TMEM260: variants seen among roughly 807,000 people sequenced by gnomAD.
TMEM260 encodes the protein protein O-mannosyl-transferase TMEM260.
A neutral mutation model predicts 88.9 loss-of-function variants in TMEM260; 82 were observed. That is an observed-to-expected ratio of 0.92 (90% CI 0.77 to 1.11). TMEM260 has a LOEUF of 1.11. Ranked by LOEUF, TMEM260 falls within the 50% of genes least tolerant of loss-of-function variation. The pLI, the probability that TMEM260 is intolerant of heterozygous loss-of-function variation, is 0.00. For missense variants in TMEM260, 902 were observed against 853.4 expected (o/e 1.06, Z -0.71); for synonymous variants, 314 against 309.3 (o/e 1.02, Z -0.16).
intron 15 of TMEM260, 127 bp from the exon 16 acceptor site, chr14:56,647,116 T>G (rs370523109): frequency 2.5e-5 from 26 of 1,019,958 alleles, no homozygotes; most frequent in South Asian, 1.9e-4. Context: ...TTAGCAATGA[T>G]TAGATTTTTA....
chr14:56,645,508 G>C (rs971241512), intron 15 of TMEM260, among the ~76,000 whole-genome samples: 1 of 151,946 alleles, frequency 6.6e-6, no homozygotes, highest in Non-Finnish European at 1.5e-5. Context: ...TGGGGGTAGG[G>C]GGGAGGGATA....
At chr14:56,610,929 A>G (rs1459064637) in intron 6 of TMEM260, among the ~76,000 whole-genome samples, 1 of 149,228 alleles carries the variant, frequency 6.7e-6, no homozygotes, top group African/African-American at 2.5e-5. Context: ...AGTTTAACTG[A>G]TTTCTAGCCA....
downstream of TMEM260, chr14:56,650,204 GT>G (rs1890177639): frequency 7.5e-6 from 3 of 400,286 alleles, no homozygotes; most frequent in South Asian, 3.6e-5. Context: ...GAGTGCCATG[GT>G]TTGGCAGGAA....
At chr14:56,589,210 G>A (rs1430307977) in intron 3 of TMEM260, among the ~76,000 whole-genome samples, 5 of 151,996 alleles carry the variant, frequency 3.3e-5, no homozygotes, top group East Asian at 1.9e-4. Context: ...TCTTTACCTC[G>A]GGGAAGATTT....
intron 12 of TMEM260, among the ~76,000 whole-genome samples, chr14:56,630,875 C>T (rs1411131133): frequency 2.6e-5 from 4 of 152,116 alleles, no homozygotes; most frequent in Admixed American, 6.5e-5. Flanking sequence ...AAATTCTGGC[C>T]TGCCTTCTGT....
At chr14:56,651,476 A>G (rs997096144), downstream of TMEM260, among the ~76,000 whole-genome samples, 6 of 152,244 alleles carry the variant, frequency 3.9e-5, no homozygotes, top group Non-Finnish European at 8.8e-5. Flanking sequence ...CCAGCACTGT[A>G]CATGTGAAGC....
At chr14:56,627,005 T>C (rs1888282833) in intron 12 of TMEM260, among the ~76,000 whole-genome samples, 1 of 152,178 alleles carries the variant, frequency 6.6e-6, no homozygotes, top group Non-Finnish European at 1.5e-5. Flanking sequence ...TACCATTATA[T>C]CATAAGCATT....
Position 56,649,104 on chromosome 14 carries a change from A to T in TMEM260, c.*1607A>T, listed in dbSNP as rs1049755881. 6.6e-6 allele frequency: 1 copy of T among 152,634 alleles called. No homozygotes were observed. Among genetic ancestry groups the T allele is most frequent in the Non-Finnish European group, 1.5e-5 (1 of 68,056 alleles). The allele number at this position is 152,634 out of a possible 1,614,324, so 9.5% of individuals were successfully genotyped here. A position where few individuals can be genotyped will look rare whatever the true frequency, so the allele number is the denominator to read the frequency against. ...GGGTTCAGAGCGGAACCTTTTGAAG[A>T]GTGTCAATAGTTGTAACAGTTCAGC... On this transcript the variant is annotated 3_prime_UTR_variant, in exon 16 of 16. Transcript: ENST00000261556.
At chr14:56,627,550 G>T (rs969132190) in intron 12 of TMEM260, among the ~76,000 whole-genome samples, 4 of 152,078 alleles carry the variant, frequency 2.6e-5, no homozygotes, top group Admixed American at 2.0e-4. Flanking sequence ...TATATGTAGG[G>T]TTTTTTGTGG....
intron 3 of TMEM260, among the ~76,000 whole-genome samples, chr14:56,597,872 TA>T (rs1886343822): frequency 6.6e-6 from 1 of 152,148 alleles, no homozygotes; most frequent in South Asian, 2.1e-4. Context: ...GTCTCTTAAT[TA>T]ACTAGGTAGA....
chr14:56,624,508 G>A (rs1888120360), intron 11 of TMEM260, among the ~76,000 whole-genome samples: 1 of 152,216 alleles, frequency 6.6e-6, no homozygotes. Flanking sequence ...GGCGGAGCTT[G>A]CAGTGGGCTG....
At chr14:56,647,197 A>T in intron 15 of TMEM260, 46 bp from the exon 16 acceptor site, 1 of 1,533,654 alleles carries the variant, frequency 6.5e-7, no homozygotes, top group Non-Finnish European at 8.7e-7. Context: ...AAAAAAAAAA[A>T]GTCAAAGAAT....
intron 15 of TMEM260, among the ~76,000 whole-genome samples, chr14:56,637,082 C>A (rs923058844): frequency 1.3e-5 from 2 of 152,158 alleles, no homozygotes; most frequent in Non-Finnish European, 2.9e-5. Context: ...AGAGTGCAGG[C>A]CACCTCTGGA....
At chr14:56,661,218 C>T in the TMEM260 span, among the ~76,000 whole-genome samples, 5 of 150,200 alleles carry the variant, frequency 3.3e-5, no homozygotes, top group Non-Finnish European at 7.5e-5. Flanking sequence ...TCCTGGTGGT[C>T]GCCACCCCTC....
rs550173506 is a variant in TMEM260 at position 56,621,652 on chromosome 14, A to C, written c.1348A>C (p.Met450Leu). 5.0e-6 allele frequency: 8 copies of C among 1,613,388 alleles called. No homozygotes were observed. Among genetic ancestry groups the C allele is most frequent in the Non-Finnish European group, 6.8e-6 (8 of 1,179,666 alleles). Reference sequence around the variant, plus strand: ...TTTGCCAGGAAATTCTCTCCGTTACATGCATTACTGTGAGGGGTTGAGGCC... The same window carrying C: ...TTTGCCAGGAAATTCTCTCCGTTACCTGCATTACTGTGAGGGGTTGAGGCC... ...GDLPGNSLRY[M>L]HYCEGLRPDI... Residue 450 changes from methionine to leucine, a missense_variant, in exon 11 of 16, where the codon ATG (methionine) becomes CTG (leucine). Physicochemically the swap from Met to Leu is conservative, Grantham distance 15 (BLOSUM62 2). Coordinates refer to ENST00000261556, the MANE Select transcript of TMEM260 (RefSeq NM_017799.4).
chr14:56,630,472 C>CTT (rs144741234), intron 12 of TMEM260, among the ~76,000 whole-genome samples: 2 of 150,930 alleles, frequency 1.3e-5, no homozygotes, highest in African/African-American at 4.9e-5. Flanking sequence ...TAAATTGTAT[C>CTT]TTTTTTTTTC....
At chr14:56,580,534 A>C (rs988047976) in intron 1 of TMEM260, among the ~76,000 whole-genome samples, 1 of 152,218 alleles carries the variant, frequency 6.6e-6, no homozygotes, top group Non-Finnish European at 1.5e-5. Context: ...TTATGGAGAC[A>C]GTAGGAGGGA....
intron 12 of TMEM260, among the ~76,000 whole-genome samples, chr14:56,627,425 T>A (rs1252244559): frequency 6.6e-6 from 1 of 152,164 alleles, no homozygotes; most frequent in Non-Finnish European, 1.5e-5. Context: ...TTTTACAAAC[T>A]TTGTAAATAC....
intron 2 of TMEM260, 90 bp downstream of exon 2, chr14:56,585,122 A>C (rs956237486): frequency 8.0e-6 from 10 of 1,250,800 alleles, no homozygotes; most frequent in Non-Finnish European, 1.1e-5. Flanking sequence ...AAAGTAGATT[A>C]ATTTATTTTC....
Sources: gnomAD v4.1 joint callset for allele counts (sites outside exome capture counted in the v4.1 genomes callset) on GRCh38, gnomAD v4.1.1 for gene constraint, MANE v1.5 for transcripts, NCBI Gene and HGNC (gene_info 2026-07-23, HGNC 2026-07-21) for gene names.